The following KCNT1 variants were observed in gnomAD, a reference collection of about 807,000 sequenced individuals.
KCNT1 encodes the protein potassium sodium-activated channel subfamily T member 1.
In KCNT1, 78 loss-of-function variants were observed where a neutral mutation model predicts 147.8. The ratio of observed to expected loss-of-function variants is 0.53; its 90% CI spans 0.44 to 0.64. The LOEUF (loss-of-function observed/expected upper bound fraction) is 0.64. Among genes scored for constraint, KCNT1 ranks in the 30% least tolerant of loss-of-function variants. KCNT1 has a pLI of 0.00. For synonymous variants in KCNT1, 867 were observed against 748.8 expected (o/e 1.16, Z -2.58); for missense variants, 1,419 against 1,750.3 (o/e 0.81, Z 3.38).
In KCNT1 at chr9:135,795,101, T is replaced by G. The variant is rs1452496633; in HGVS notation, c.*2940T>G. 3 of 152,202 alleles carry G rather than the reference T, an allele frequency of 2.0e-5. No individual in the cohort carries two copies. The highest frequency in any genetic ancestry group is 2.9e-5 in the Non-Finnish European group (2 of 68,038). The allele number at this position is 152,202 out of a possible 1,614,324, so 9.4% of individuals were successfully genotyped here. On this transcript the variant is annotated 3_prime_UTR_variant, in exon 31 of 31. Transcript: ENST00000371757. ...CACCTGCTATTTTCCTTATTCCTGT[T>G]TTTTGTTTGTTTTTATTTTCCTTAT...
chr9:135,739,118 C>T (rs113895993), intron 2 of KCNT1, among the ~76,000 whole-genome samples: 41 of 152,210 alleles, frequency 2.7e-4, no homozygotes, highest in African/African-American at 9.9e-4. Context: ...CGGGGCCGTT[C>T]CCCCAGCCCC....
intron 2 of KCNT1, among the ~76,000 whole-genome samples, chr9:135,746,732 G>C (rs1830852752): frequency 1.3e-5 from 2 of 152,156 alleles, no homozygotes; most frequent in Admixed American, 1.3e-4. Context: ...GAGCTGGCTG[G>C]GGAGATGGAG....
chr9:135,739,001 T>C lies in KCNT1; in HGVS notation c.255-11097T>C, dbSNP rs532673893. On this transcript the variant is annotated intron_variant, in intron 2 of 30. Transcript: ENST00000371757. ...CATCAGGAGGCCCTGAGCCCCTCTG[T>C]GTCCCTACCACCCCTGGACCTAGGC... is the stretch of plus-strand genomic sequence containing the variant. 3.3e-3 allele frequency among the ~76,000 whole-genome samples: 500 copies of C among 152,130 alleles called. 2 individuals are homozygous for C. The highest frequency in any genetic ancestry group is 0.011 in the African/African-American group (468 of 41,498).
chr9:135,717,909 C>T (rs2131335844), intron 2 of KCNT1, among the ~76,000 whole-genome samples: 1 of 152,308 alleles, frequency 6.6e-6, no homozygotes, highest in South Asian at 2.1e-4. Flanking sequence ...TCTGGCATGG[C>T]CTCTCTCATG....
chr9:135,777,220 C>T (rs990805777), intron 20 of KCNT1, 118 bp from the exon 21 acceptor site: 21 of 1,107,068 alleles, frequency 1.9e-5, no homozygotes, highest in Admixed American at 2.2e-5. Flanking sequence ...GGCTGTGGGC[C>T]GAGAGGCTAA....
At chr9:135,746,422 A>G (rs1432956015) in intron 2 of KCNT1, among the ~76,000 whole-genome samples, 1 of 152,148 alleles carries the variant, frequency 6.6e-6, no homozygotes, top group African/African-American at 2.4e-5. Context: ...CCTCAAAGAG[A>G]AGCTGCTGGG....
intron 4 of KCNT1, among the ~76,000 whole-genome samples, chr9:135,751,493 G>C (rs1355146677): frequency 6.6e-6 from 1 of 152,138 alleles, no homozygotes; most frequent in Admixed American, 6.5e-5. Flanking sequence ...CCATCGTCCT[G>C]GGGCCCATGC....
At chr9:135,770,470 G>C (rs917038744) in intron 17 of KCNT1, 23 bp downstream of exon 17, 6 of 1,597,182 alleles carry the variant, frequency 3.8e-6, no homozygotes, top group Non-Finnish European at 5.1e-6. Context: ...TGCATCCACA[G>C]GGCTGGCGCT....
intron 24 of KCNT1, 98 bp from the exon 25 acceptor site, chr9:135,783,926 A>G: frequency 1.2e-6 from 1 of 834,984 alleles, no homozygotes; most frequent in South Asian, 1.4e-5. Flanking sequence ...TATCATGCAC[A>G]CATGTACGGT....
rs545382794 is a variant in KCNT1, at chr9:135,782,247, G to C, written c.2842-1777G>C. Among the ~76,000 whole-genome samples the C allele has an allele frequency of 2.7e-3, 411 of 152,312 alleles. 2 individuals carry two copies. The highest frequency in any genetic ancestry group is 9.6e-3 in the African/African-American group (397 of 41,562). On this transcript the variant is annotated intron_variant, in intron 24 of 30. Coordinates refer to ENST00000371757, the MANE Select transcript of KCNT1 (RefSeq NM_020822.3). The stretch of plus-strand genomic sequence containing the variant: ...AAATGAAACTATTATTAAGGATGCT[G>C]CTGGTGGGGTGACATGCATCTCCCC...
At chr9:135,738,941 A>G (rs1318798171) in intron 2 of KCNT1, among the ~76,000 whole-genome samples, 1 of 152,026 alleles carries the variant, frequency 6.6e-6, no homozygotes, top group Non-Finnish European at 1.5e-5. Context: ...AAAGTGCCCA[A>G]TGGGGGGACA....
chr9:135,723,706 G>A (rs565376043), intron 2 of KCNT1, among the ~76,000 whole-genome samples: 34 of 152,330 alleles, frequency 2.2e-4, no homozygotes, highest in African/African-American at 7.2e-4. Context: ...GAGCTGTCCC[G>A]GGAAGTGCCG....
rs558837964 is a variant in KCNT1 at position 135,759,842 on chromosome 9, G to A, written c.1018G>A (p.Val340Met). 6.8e-6 allele frequency: 11 copies of A among 1,607,686 alleles called. No homozygotes were observed. Among genetic ancestry groups the A allele is most frequent in the African/African-American group, 2.7e-5 (2 of 74,960 alleles). ...GGTCATCATGATCTGCGTGGCCCTCGTGGTGCTCCCACTGCAGGTGGGTCC... is the reference window on the plus strand; with the variant it reads ...GGTCATCATGATCTGCGTGGCCCTCATGGTGCTCCCACTGCAGGTGGGTCC... ...LVVIMICVAL[V>M]VLPLQFEELV... The change falls in exon 11 of 31, where the codon GTG becomes ATG. Residue 340 changes from valine to methionine, a missense_variant. Physicochemically the swap from Val to Met is conservative, Grantham distance 21. Coordinates refer to ENST00000371757, the MANE Select transcript of KCNT1 (RefSeq NM_020822.3).
At position 135,786,624 on chromosome 9, in the gene KCNT1, C is replaced by G. The variant is rs1588409044; in HGVS notation, c.3502+103C>G. 5.5e-6 allele frequency: 6 copies of G among 1,082,546 alleles called. No individual in the cohort carries two copies. In the East Asian group the frequency reaches 1.7e-4, roughly 31 times the overall value. The allele number at this position is 1,082,546 out of a possible 1,614,324, so 67.1% of individuals were successfully genotyped here. The stretch of plus-strand genomic sequence containing the variant: ...ACGGCGTCCCGGGGCCCGGGCCGTC[C>G]TCCTGTCTGTCATCTGTCTGTCTGT... On this transcript the variant is annotated intron_variant, in intron 29 of 30. Transcript: ENST00000371757.
intron 20 of KCNT1, among the ~76,000 whole-genome samples, chr9:135,776,131 A>C (rs1393200481): frequency 6.6e-6 from 1 of 151,920 alleles, no homozygotes; most frequent in East Asian, 1.9e-4. Flanking sequence ...GGGTTTCCCC[A>C]CTGTGAAAAT....
chr9:135,770,036 G>T lies in KCNT1; in HGVS notation c.1600G>T (p.Val534Leu), dbSNP rs1324250121. 1 of 1,552,622 alleles carries T rather than the reference G, an allele frequency of 6.4e-7. No individual in the cohort carries two copies. The highest frequency in any genetic ancestry group is 8.7e-7 in the Non-Finnish European group (1 of 1,148,412). The change falls in exon 16 of 31, where the codon GTG becomes TTG. Residue 534 changes from valine to leucine, a missense_variant. By Grantham distance (32) the Val-to-Leu change is conservative. Transcript: ENST00000371757. ...GACCTCCACCCTCATCACCCTGCTG[G>T]TGCACACGTCCCGCGGCCAGTGAGT... is the stretch of plus-strand genomic sequence containing the variant. ...PATSTLITLL[V>L]HTSRGQEGQE...
In KCNT1 at chr9:135,765,202, C is replaced by T. The variant is rs1291798500; in HGVS notation, c.1200+7C>T. 1.2e-6 allele frequency: 2 copies of T among 1,607,294 alleles called. No homozygotes were observed. The highest frequency in any genetic ancestry group is 8.5e-7 in the Non-Finnish European group (1 of 1,174,972). Reference sequence around the variant, plus strand: ...CGCCCACCCCCGGCTCCAGGTGAGGCCCCTTACCGTGGCCCAGCAGACGAC... The same window carrying T: ...CGCCCACCCCCGGCTCCAGGTGAGGTCCCTTACCGTGGCCCAGCAGACGAC... On this transcript the variant is annotated splice_region_variant and intron_variant, in intron 12 of 30. Coordinates refer to ENST00000371757, the MANE Select transcript of KCNT1 (RefSeq NM_020822.3).
At position 135,714,911 on chromosome 9, in the gene KCNT1, G is replaced by A. The variant is rs942987097; in HGVS notation, c.254+191G>A. On this transcript the variant is annotated intron_variant, in intron 2 of 30. Coordinates refer to ENST00000371757, the MANE Select transcript of KCNT1 (RefSeq NM_020822.3). This position sits in a 1 kb window ranked among gnomAD's most constrained non-coding sequence, Gnocchi z 6.2. Reference sequence around the variant, plus strand: ...GCAGGGGGAAGCATCTTCTCGGGAGGGGGTCTCCGGAGGAGGGCGCGGGAT... The same window carrying A: ...GCAGGGGGAAGCATCTTCTCGGGAGAGGGTCTCCGGAGGAGGGCGCGGGAT... Among the ~76,000 whole-genome samples the A allele has an allele frequency of 1.3e-5, 2 of 152,192 alleles. No individual in the cohort carries two copies. The highest frequency in any genetic ancestry group is 4.8e-5 in the African/African-American group (2 of 41,460).
In KCNT1 at chr9:135,749,931, A is replaced by G. The variant is rs531290434; in HGVS notation, c.255-167A>G. Among the ~76,000 whole-genome samples, 61 of 152,222 alleles carry G rather than the reference A, an allele frequency of 4.0e-4. 1 individual carries two copies. The South Asian group carries it at 8.1e-3, about 20-fold the overall frequency. On this transcript the variant is annotated intron_variant, in intron 2 of 30. Transcript: ENST00000371757. Reference sequence around the variant, plus strand: ...CTGTCTGCTGGGTGTGACGGACCCCAGGACCCTCCTGGGTCTGAGGTGGAG... The same window carrying G: ...CTGTCTGCTGGGTGTGACGGACCCCGGGACCCTCCTGGGTCTGAGGTGGAG...
Sources: allele counts gnomAD v4.1 joint callset (sites outside exome capture counted in the v4.1 genomes callset), GRCh38; gene constraint gnomAD v4.1.1; non-coding constraint Gnocchi (gnomAD v3.1); transcripts MANE v1.5; gene names NCBI Gene and HGNC (gene_info 2026-07-23, HGNC 2026-07-21).